The following PMEL variants were observed in gnomAD, a reference collection of about 807,000 sequenced individuals.
The protein encoded by PMEL is melanocyte protein PMEL.
A neutral mutation model predicts 64.9 loss-of-function variants in PMEL; 53 were observed. That is an observed-to-expected ratio of 0.82 (90% CI 0.66 to 1.03). PMEL has a LOEUF of 1.03. Among genes scored for constraint, PMEL ranks in the 50% least tolerant of loss-of-function variants. The pLI, the probability that PMEL is intolerant of heterozygous loss-of-function variation, is 0.00. For synonymous variants in PMEL, 299 were observed against 316.2 expected, an observed-to-expected ratio of 0.95 and a Z score of 0.58; for missense variants, 716 against 814.9, an observed-to-expected ratio of 0.88 and a Z score of 1.48.
In PMEL at chr12:55,954,205, T is replaced by C. The variant is rs778202706; in HGVS notation, c.*9A>G. 2 of 1,601,218 alleles carry C rather than the reference T, an allele frequency of 1.2e-6. No individual in the cohort carries two copies. The highest frequency in any genetic ancestry group is 1.3e-5 in the African/African-American group (1 of 74,274). On this transcript the variant is annotated 3_prime_UTR_variant, in exon 11 of 11. Coordinates refer to ENST00000548747, the MANE Select transcript of PMEL (RefSeq NM_001384361.1). ...ACTCCAGGAAAATCACAGCATCATA[T>C]GAGAGTACTCAGACCTGCTGCCCAC...
chr12:55,955,762 A>T lies in PMEL; in HGVS notation c.1556+17T>A. 1 of 1,611,148 alleles carries T rather than the reference A, an allele frequency of 6.2e-7. No homozygotes were observed. Among genetic ancestry groups the T allele is most frequent in the Non-Finnish European group, 8.5e-7 (1 of 1,177,288 alleles). On this transcript the variant is annotated intron_variant, in intron 8 of 10. Transcript: ENST00000548747. ...CAGTCAACCAAAGAGTTACCAGCACACTAGTGAGACACTCACCCGCCTTGG... is the reference window on the plus strand; with the variant it reads ...CAGTCAACCAAAGAGTTACCAGCACTCTAGTGAGACACTCACCCGCCTTGG...
intron 4 of PMEL, 193 bp downstream of exon 4, chr12:55,958,280 G>T: frequency 2.6e-6 from 2 of 770,044 alleles, no homozygotes; most frequent in Non-Finnish European, 4.1e-6. Flanking sequence ...TACAATTGAG[G>T]AAGAGTTGCC....
At position 55,955,327 on chromosome 12, in the gene PMEL, G is replaced by T; in HGVS notation, c.1797C>A (p.Ile599=). The T allele has an allele frequency of 6.2e-7, 1 of 1,614,172 alleles. No individual in the cohort carries two copies. The highest frequency in any genetic ancestry group is 8.5e-7 in the Non-Finnish European group (1 of 1,180,024). Residue 599 remains isoleucine (I), a synonymous_variant, in exon 10 of 11, where the codon ATC becomes ATA. Transcript: ENST00000548747. ...QEAGLGQVPL[I]VGILLVLMAV... is the part of the protein sequence containing the mutation. ...CCATCAACACCAGCAAGATGCCCAC[G>T]ATCAGCGGAACCTGCCCAAGGCCTG...
chr12:55,954,235 G>A lies in PMEL; in HGVS notation c.1965C>T (p.Leu655=). 1.2e-6 allele frequency: 2 copies of A among 1,612,658 alleles called. No individual in the cohort carries two copies. The highest frequency in any genetic ancestry group is 1.7e-6 in the Non-Finnish European group (2 of 1,179,138). ...CSCPIGENSP[L]LSGQQV is the part of the protein sequence containing the mutation. ...GTACTCAGACCTGCTGCCCACTGAG[G>A]AGGGGGCTGTTCTCACCAATGGGAC... The change falls in exon 11 of 11, where the codon CTC becomes CTT. Residue 655 remains leucine, a synonymous_variant. Transcript: ENST00000548747.
intron 10 of PMEL, among the ~76,000 whole-genome samples, chr12:55,954,725 G>A (rs143209778): frequency 0.017 from 2,571 of 152,200 alleles, 77 homozygotes; most frequent in African/African-American, 0.058. Flanking sequence ...CCAACATGGC[G>A]AAACCCTGTC....
intron 1 of PMEL, 83 bp downstream of exon 1, chr12:55,965,853 C>G (rs765377896): frequency 3.1e-5 from 48 of 1,532,024 alleles, no homozygotes; most frequent in Non-Finnish European, 4.2e-5. Context: ...TTGCCGCTAT[C>G]TCCCATTAGG....
Position 55,957,635 on chromosome 12 carries a change from C to A in PMEL, c.668G>T (p.Arg223Leu). The part of the protein sequence containing the change: ...VPFSVSVSQL[R>L]ALDGGNKHFL... ...GTGCTTGTTCCCTCCATCCAAGGCC[C>A]GCAACTGGGACACGCTCACGGAGAA... Residue 223 changes from arginine (R) to leucine (L), a missense_variant, in exon 6 of 11, where the codon CGG becomes CTG. By Grantham distance (102) the Arg-to-Leu change is moderately radical. Coordinates refer to ENST00000548747, the MANE Select transcript of PMEL (RefSeq NM_001384361.1). The A allele has an allele frequency of 6.2e-7, 1 of 1,612,352 alleles. No individual in the cohort carries two copies. Among genetic ancestry groups the A allele is most frequent in the Non-Finnish European group, 8.5e-7 (1 of 1,179,402 alleles).
rs558789420 is a variant in PMEL, at chr12:55,958,575, G to A, written c.367C>T (p.Pro123Ser). The A allele has an allele frequency of 1.2e-6, 2 of 1,614,020 alleles. No homozygotes were observed. Among genetic ancestry groups the A allele is most frequent in the East Asian group, 2.2e-5 (1 of 44,874 alleles). ...SQVWGGQPVY[P>S]QETDDACIFP... Reference sequence around the variant, plus strand: ...ATGCAGGCATCGTCAGTTTCCTGGGGATACACTGGCTGTCCTCCCCACACC... The same window carrying A: ...ATGCAGGCATCGTCAGTTTCCTGGGAATACACTGGCTGTCCTCCCCACACC... The change falls in exon 4 of 11, where the codon CCC becomes TCC. Residue 123 changes from proline to serine, a missense_variant. Physicochemically the swap from Pro to Ser is moderately conservative, Grantham distance 74. Transcript: ENST00000548747.
chr12:55,955,391 C>T (rs747862604), intron 9 of PMEL, 30 bp from the exon 10 acceptor site: 1 of 1,612,846 alleles, frequency 6.2e-7, no homozygotes, highest in Admixed American at 1.7e-5. Flanking sequence ...CACTGCTTCA[C>T]TCAGTGTCTG....
rs749150393 is a variant in PMEL at position 55,956,947 on chromosome 12, A to G, written c.1354+2T>C. ...GAACCTCATTCGCACTGATACTCTT[A>G]CCTGTAATACTTTCCGTAGACATGA... On this transcript the variant is annotated splice_donor_variant, in intron 6 of 10. Coordinates refer to ENST00000548747, the MANE Select transcript of PMEL (RefSeq NM_001384361.1). LOFTEE classifies it high-confidence loss of function. The G allele has an allele frequency of 1.9e-6, 3 of 1,613,498 alleles. No individual in the cohort carries two copies. In the East Asian group the frequency reaches 6.7e-5, roughly 36 times the overall value.
chr12:55,960,210 C>CAAAAAAAAAA (rs56810428), intron 3 of PMEL, among the ~76,000 whole-genome samples: 119 of 56,008 alleles, frequency 2.1e-3, no homozygotes, highest in African/African-American at 8.8e-3. Flanking sequence ...GACTCTGTCT[C>CAAAAAAAAAA]AAAAAAAAAA....
chr12:55,957,471 G>A lies in PMEL; in HGVS notation c.832C>T (p.His278Tyr). The A allele has an allele frequency of 6.2e-7, 1 of 1,614,018 alleles. No individual in the cohort carries two copies. Among genetic ancestry groups the A allele is most frequent in the Non-Finnish European group, 8.5e-7 (1 of 1,179,992 alleles). The change falls in exon 6 of 11, where the codon CAT becomes TAT. Residue 278 changes from histidine (H) to tyrosine (Y), a missense_variant. Coordinates refer to ENST00000548747, the MANE Select transcript of PMEL (RefSeq NM_001384361.1). The stretch of plus-strand genomic sequence containing the variant: ...ACTGGGCCAGGCTCCAGGTAAGTAT[G>A]AGTGACCACAAGTGCCCGAGAGATC... Reference protein sequence around the residue: ...TLISRALVVTHTYLEPGPVTA... With the variant: ...TLISRALVVTYTYLEPGPVTA...
chr12:55,956,478 A>G, intron 6 of PMEL: 1 of 436,520 alleles, frequency 2.3e-6, no homozygotes, highest in East Asian at 3.8e-5. Flanking sequence ...CACACCCCAC[A>G]CTATGTCAGG....
intron 3 of PMEL, among the ~76,000 whole-genome samples, chr12:55,960,646 C>T (rs1358094357): frequency 6.7e-6 from 1 of 148,680 alleles, no homozygotes; most frequent in Non-Finnish European, 1.5e-5. Context: ...GGGTTCACGC[C>T]ATTCTCCTGT....
chr12:55,959,945 T>C (rs1031203994), intron 3 of PMEL, among the ~76,000 whole-genome samples: 1 of 152,108 alleles, frequency 6.6e-6, no homozygotes, highest in Middle Eastern at 3.4e-3. Context: ...TCTTCGGAAA[T>C]GGAAACACAG....
Position 55,954,268 on chromosome 12 carries a change from GA to G in PMEL, c.1931del (p.Phe644SerfsTer26), listed in dbSNP as rs1231593194. The G allele has an allele frequency of 6.2e-7, 1 of 1,614,050 alleles. No homozygotes were observed. The highest frequency in any genetic ancestry group is 2.2e-5 in the East Asian group (1 of 44,880). On this transcript the variant is annotated frameshift_variant, in exon 11 of 11. Coordinates refer to ENST00000548747, the MANE Select transcript of PMEL (RefSeq NM_001384361.1). LOFTEE classifies it high-confidence loss of function. ...TGTTCTCACCAATGGGACAAGAGCA[GA>G]AGATGCGGGGTAGACGCAGCCAGTG... ...SSHWLRLPRI[F>X]CSCPIGENSP...
chr12:55,964,304 G>C (rs916138329), intron 1 of PMEL, among the ~76,000 whole-genome samples: 1 of 151,944 alleles, frequency 6.6e-6, no homozygotes, highest in Admixed American at 6.6e-5. Flanking sequence ...GGGATTACAG[G>C]CATGCACCAC....
At position 55,958,025 on chromosome 12, in the gene PMEL, C is replaced by A. The variant is rs747509641; in HGVS notation, c.529G>T (p.Ala177Ser). 1 of 1,614,140 alleles carries A rather than the reference C, an allele frequency of 6.2e-7. No individual in the cohort carries two copies. Among genetic ancestry groups the A allele is most frequent in the Non-Finnish European group, 8.5e-7 (1 of 1,180,014 alleles). Residue 177 changes from alanine (A) to serine (S), a missense_variant, in exon 5 of 11, where the codon GCA (alanine) becomes TCA (serine). Physicochemically the swap from Ala to Ser is moderately conservative, Grantham distance 99 (BLOSUM62 1). Coordinates refer to ENST00000548747, the MANE Select transcript of PMEL (RefSeq NM_001384361.1). ...VSGLSIGTGR[A>S]MLGTHTMEVT... ...TCCATGGTGTGTGTGCCCAGCATTG[C>A]CCTGCCTGTCCCAATGCTCAGCCCA...
At position 55,957,105 on chromosome 12, in the gene PMEL, T is replaced by C. The variant is rs1234789805; in HGVS notation, c.1198A>G (p.Met400Val). The C allele has an allele frequency of 1.9e-6, 3 of 1,614,062 alleles. No individual in the cohort carries two copies. The Admixed American group carries it at 5.0e-5, about 27-fold the overall frequency. Residue 400 changes from methionine to valine, a missense_variant, in exon 6 of 11, where the codon ATG becomes GTG. Met to Val is a conservative substitution (Grantham distance 21). Transcript: ENST00000548747. ...ACAATTGATACCTCTGCAGGTGTCA[T>C]ACCTGTAGCCTCTGGAGTTGACATC... ...AEMSTPEATGMTPAEVSIVVL... is the reference protein window; with the variant it reads ...AEMSTPEATGVTPAEVSIVVL...
Sources: allele counts gnomAD v4.1 joint callset (sites outside exome capture counted in the v4.1 genomes callset), GRCh38; gene constraint gnomAD v4.1.1; transcripts MANE v1.5; gene names NCBI Gene and HGNC (gene_info 2026-07-23, HGNC 2026-07-21).